MAX: variants seen among roughly 807,000 people sequenced by gnomAD.
MAX encodes the protein MYC associated transcriptional regulator X, also known as protein max.
Under a neutral mutation model 22.3 loss-of-function variants are expected in MAX, and 3 were observed. That is an observed-to-expected ratio of 0.13 (90% CI 0.06 to 0.35). The LOEUF is 0.35. Ranked by LOEUF, MAX falls within the 10% of genes least tolerant of loss-of-function variation. The pLI, the probability that MAX is intolerant of heterozygous loss-of-function variation, is 1.00. For missense variants in MAX, 119 were observed against 209.4 expected (o/e 0.57, Z 2.66); for synonymous variants, 72 against 77.7 (o/e 0.93, Z 0.39).
chr14:65,054,908 C>T lies in MAX; in HGVS notation c.171+38800G>A, dbSNP rs760161193. 5.2e-4 allele frequency among the ~76,000 whole-genome samples: 79 copies of T among 152,190 alleles called. No homozygotes were observed. Among genetic ancestry groups the T allele is most frequent in the African/African-American group, 1.9e-3 (78 of 41,450 alleles). On this transcript the variant is annotated intron_variant, in intron 3 of 3. Coordinates refer to the MAX transcript ENST00000341653. This position sits in a 1 kb window ranked among gnomAD's most constrained non-coding sequence, Gnocchi z 4.4. ...GTTCCAGATGGGCGGTCTGATCTGT[C>T]AAAGAGCTGTTGTGCCTTTATCCCA...
In MAX at chr14:65,077,600, C is replaced by A; in HGVS notation, c.295+313G>T. 1 of 1,027,948 alleles carries A rather than the reference C, an allele frequency of 9.7e-7. No individual in the cohort carries two copies. The highest frequency in any genetic ancestry group is 1.5e-6 in the Non-Finnish European group (1 of 670,274). 63.7% of individuals were successfully genotyped at this position (1,027,948 alleles called of 1,614,324 possible). A position where few individuals can be genotyped will look rare whatever the true frequency, so the allele number is the denominator to read the frequency against. On this transcript the variant is annotated intron_variant, in intron 4 of 4. Transcript: ENST00000358664. The surrounding 1 kb of genome is among the most constrained non-coding windows in gnomAD (Gnocchi z 6.3). ...ACTCCAAGGACCTCAAAGCTCTTTT[C>A]AGACACCTGATGCCAGGTGTGATCC...
At chr14:65,067,165 A>G (rs2062939877) in intron 3 of MAX, among the ~76,000 whole-genome samples, 1 of 151,268 alleles carries the variant, frequency 6.6e-6, no homozygotes, top group South Asian at 2.1e-4. Flanking sequence ...AGCCTGGATG[A>G]CACAGCAAGA....
chr14:65,020,530 A>G (rs1243976642), intron 3 of MAX, among the ~76,000 whole-genome samples: 4 of 151,958 alleles, frequency 2.6e-5, no homozygotes, highest in Non-Finnish European at 5.9e-5. Context: ...GGTTCAAGCA[A>G]TTCTCCTGCC....
chr14:65,030,127 C>T lies in MAX; in HGVS notation c.172-23843G>A, dbSNP rs1036309946. On this transcript the variant is annotated intron_variant, in intron 3 of 3. Transcript: ENST00000341653. The surrounding 1 kb of genome is among the most constrained non-coding windows in gnomAD (Gnocchi z 4.5). ...TCTTAGTCCTCACACTTGTGAGAGG[C>T]AAACTGTATTATAGGTCGCCTCCTA... is the stretch of plus-strand genomic sequence containing the variant. 1.3e-5 allele frequency among the ~76,000 whole-genome samples: 2 copies of T among 152,194 alleles called. No individual in the cohort carries two copies. The highest frequency in any genetic ancestry group is 4.8e-5 in the African/African-American group (2 of 41,442).
chr14:65,039,470 T>C (rs2139619552), intron 3 of MAX, among the ~76,000 whole-genome samples: 1 of 152,312 alleles, frequency 6.6e-6, no homozygotes, highest in African/African-American at 2.4e-5. Flanking sequence ...GGTCTGATTC[T>C]TATATAAGTT....
intron 3 of MAX, among the ~76,000 whole-genome samples, chr14:65,013,654 T>C (rs1254080664): frequency 6.6e-6 from 1 of 152,178 alleles, no homozygotes; most frequent in South Asian, 2.1e-4. Context: ...TTCAAGCGAT[T>C]CTCTTGCCTC....
intron 3 of MAX, among the ~76,000 whole-genome samples, chr14:65,080,273 T>A (rs182219084): frequency 6.6e-6 from 1 of 152,328 alleles, no homozygotes; most frequent in Non-Finnish European, 1.5e-5. Context: ...GAGATGCGTT[T>A]CTTTAGTTGA....
chr14:65,028,540 A>G lies in MAX; in HGVS notation c.172-22256T>C, dbSNP rs1175147795. Among the ~76,000 whole-genome samples the G allele has an allele frequency of 2.0e-5, 3 of 152,248 alleles. No homozygotes were observed. The highest frequency in any genetic ancestry group is 2.0e-4 in the Admixed American group (3 of 15,294). On this transcript the variant is annotated intron_variant, in intron 3 of 3. Transcript: ENST00000341653. The surrounding 1 kb of genome is among the most constrained non-coding windows in gnomAD (Gnocchi z 4.4). ...GTGTAAATGGGTTTGCTTCTACACA[A>G]GTTGATTAATAGTCTGGCTTAAGCA...
chr14:65,053,396 C>T, intron 3 of MAX: 4 of 1,344,882 alleles, frequency 3.0e-6, no homozygotes, highest in Non-Finnish European at 3.9e-6. Context: ...GAGGAGAGAG[C>T]AGAGGGGCGT....
intron 1 of MAX, 104 bp downstream of exon 1, chr14:65,102,200 A>C: frequency 3.2e-6 from 5 of 1,560,058 alleles, no homozygotes; most frequent in Non-Finnish European, 4.3e-6. Context: ...AAGGGGAAGG[A>C]GGCGGCGGCA....
At chr14:65,083,598 T>G in intron 3 of MAX, 21 of 439,374 alleles carry the variant, frequency 4.8e-5, no homozygotes, top group Non-Finnish European at 6.2e-5. Context: ...AATGCTGACG[T>G]GAGAAACAAT....
In MAX at chr14:65,032,720, T is replaced by C; in HGVS notation, c.172-26436A>G. 6.2e-7 allele frequency: 1 copy of C among 1,609,538 alleles called. No homozygotes were observed. The highest frequency in any genetic ancestry group is 8.5e-7 in the Non-Finnish European group (1 of 1,178,238). On this transcript the variant is annotated intron_variant, in intron 3 of 3. Coordinates refer to the MAX transcript ENST00000341653. This position sits in a 1 kb window ranked among gnomAD's most constrained non-coding sequence, Gnocchi z 5.0. Reference sequence around the variant, plus strand: ...AGGTGAGAGAAGCCAGGGTTTCTCCTGGCCTCTTGGAGAGCAGGCGGTCAC... The same window carrying C: ...AGGTGAGAGAAGCCAGGGTTTCTCCCGGCCTCTTGGAGAGCAGGCGGTCAC...
Position 65,054,336 on chromosome 14 carries a change from C to T in MAX, c.171+39372G>A, listed in dbSNP as rs1056742365. Among the ~76,000 whole-genome samples, 18 of 151,988 alleles carry T rather than the reference C, an allele frequency of 1.2e-4. No individual in the cohort carries two copies. In the East Asian group the frequency reaches 1.8e-3, roughly 15 times the overall value. On this transcript the variant is annotated intron_variant, in intron 3 of 3. Coordinates refer to the MAX transcript ENST00000341653. This position sits in a 1 kb window ranked among gnomAD's most constrained non-coding sequence, Gnocchi z 4.4. ...ATGTTGCCCAAGTTGGTTTTGAACTCCTGGCCTCAAACCGTTCTCTTGCCT... is the reference window on the plus strand; with the variant it reads ...ATGTTGCCCAAGTTGGTTTTGAACTTCTGGCCTCAAACCGTTCTCTTGCCT...
rs574901784 is a variant in MAX, at chr14:65,076,152, G to T, written c.*324C>A. 6.7e-6 allele frequency: 9 copies of T among 1,350,140 alleles called. No individual in the cohort carries two copies. In the Middle Eastern group the frequency reaches 1.1e-3, roughly 168 times the overall value. 83.6% of individuals were successfully genotyped at this position (1,350,140 alleles called of 1,614,324 possible). ...GCTGGAGGAGCTGGTAGGGTGGGCA[G>T]GACACTATGTGCTCAGAGGTCCGGC... On this transcript the variant is annotated 3_prime_UTR_variant, in exon 5 of 5. Transcript: ENST00000358664. This position sits in a 1 kb window ranked among gnomAD's most constrained non-coding sequence, Gnocchi z 6.6.
At chr14:65,034,453 AT>A (rs1446547589) in intron 3 of MAX, among the ~76,000 whole-genome samples, 1 of 152,082 alleles carries the variant, frequency 6.6e-6, no homozygotes, top group Non-Finnish European at 1.5e-5. Context: ...TTGGTTAGAG[AT>A]TTCTAACTTG....
chr14:65,084,394 TC>T lies in MAX; in HGVS notation c.172-6359del. 1.3e-6 allele frequency: 1 copy of T among 765,724 alleles called. No homozygotes were observed. The highest frequency in any genetic ancestry group is 2.2e-6 in the Non-Finnish European group (1 of 455,036). 47.4% of individuals were successfully genotyped at this position (765,724 alleles called of 1,614,324 possible). A position where few individuals can be genotyped will look rare whatever the true frequency, so the allele number is the denominator to read the frequency against. ...TTGTTTACTGAATTAGTTACCCTCTTCCAAAAAAAAAAATTCCAGTGATAAT... is the reference window on the plus strand; with the variant it reads ...TTGTTTACTGAATTAGTTACCCTCTTCAAAAAAAAAAATTCCAGTGATAAT... On this transcript the variant is annotated intron_variant, in intron 3 of 4. Coordinates refer to ENST00000358664, the MANE Select transcript of MAX (RefSeq NM_002382.5). This position sits in a 1 kb window ranked among gnomAD's most constrained non-coding sequence, Gnocchi z 4.3.
intron 3 of MAX, among the ~76,000 whole-genome samples, chr14:65,057,456 AT>A (rs1397660060): frequency 6.6e-6 from 1 of 152,154 alleles, no homozygotes; most frequent in Non-Finnish European, 1.5e-5. Context: ...TAATATTTTA[AT>A]TTTGAAGTGG....
At chr14:65,065,529 C>CT (rs2062923505) in intron 3 of MAX, among the ~76,000 whole-genome samples, 1 of 152,152 alleles carries the variant, frequency 6.6e-6, no homozygotes, top group Non-Finnish European at 1.5e-5. Flanking sequence ...TGCTCCTAGG[C>CT]TACAAACCTG....
intron 3 of MAX, among the ~76,000 whole-genome samples, chr14:65,081,612 A>G (rs2063201104): frequency 6.6e-6 from 1 of 152,246 alleles, no homozygotes; most frequent in African/African-American, 2.4e-5. Flanking sequence ...TCAACTGCCT[A>G]TCTTCATGTG....
Sources: gnomAD v4.1 joint callset for allele counts (sites outside exome capture counted in the v4.1 genomes callset) on GRCh38, gnomAD v4.1.1 for gene constraint, Gnocchi (gnomAD v3.1) non-coding constraint, MANE v1.5 for transcripts, NCBI Gene and HGNC (gene_info 2026-07-23, HGNC 2026-07-21) for gene names.